Variants in COP1 observed in about 807,000 individuals in gnomAD.
The protein encoded by COP1 is COP1 E3 ubiquitin ligase, also known as E3 ubiquitin-protein ligase COP1.
In COP1, 24 loss-of-function variants were observed where a neutral mutation model predicts 101.3. That is an observed-to-expected ratio of 0.24 (90% CI 0.17 to 0.33). The LOEUF (loss-of-function observed/expected upper bound fraction) is 0.33, where lower values mean the gene tolerates loss of function less well. Among genes scored for constraint, COP1 ranks in the 10% least tolerant of loss-of-function variants. The pLI, the probability that COP1 is intolerant of heterozygous loss-of-function variation, is 1.00. For missense variants in COP1, 663 were observed against 906.2 expected, an observed-to-expected ratio of 0.73 and a Z score of 3.45; for synonymous variants, 347 against 341.9, an observed-to-expected ratio of 1.01 and a Z score of -0.17.
chr1:176,007,399 C>T (rs1482455497), intron 15 of COP1, among the ~76,000 whole-genome samples: 1 of 152,216 alleles, frequency 6.6e-6, no homozygotes, highest in Non-Finnish European at 1.5e-5. Flanking sequence ...AACTGCGTTC[C>T]TTTGGAGGAA....
intron 11 of COP1, among the ~76,000 whole-genome samples, chr1:176,055,146 A>G (rs2149257604): frequency 6.6e-6 from 1 of 152,206 alleles, no homozygotes; most frequent in South Asian, 2.1e-4. Flanking sequence ...ATAATAAAGC[A>G]TCCCAGGCTG....
At chr1:176,032,046 A>T (rs891575342) in intron 14 of COP1, among the ~76,000 whole-genome samples, 4 of 152,226 alleles carry the variant, frequency 2.6e-5, no homozygotes, top group African/African-American at 4.8e-5. Flanking sequence ...TATCCTAAGA[A>T]AGAATTCATT....
At chr1:176,042,434 G>A (rs952385520) in intron 14 of COP1, among the ~76,000 whole-genome samples, 56 of 146,448 alleles carry the variant, frequency 3.8e-4, no homozygotes, top group Admixed American at 2.8e-4. Flanking sequence ...ATGGTGGTGG[G>A]TGGCTGTAAT....
intron 18 of COP1, among the ~76,000 whole-genome samples, chr1:175,980,496 A>G (rs1361735515): frequency 6.6e-6 from 1 of 152,316 alleles, no homozygotes; most frequent in East Asian, 1.9e-4. Context: ...ATAACTGCAT[A>G]GAAAGTATTA....
chr1:175,982,024 A>G (rs1655984200), intron 18 of COP1, among the ~76,000 whole-genome samples: 2 of 151,956 alleles, frequency 1.3e-5, no homozygotes, highest in African/African-American at 4.8e-5. Flanking sequence ...ATGAAAGATA[A>G]CAAGCGTTGG....
At chr1:176,002,485 C>T (rs1346213417) in intron 15 of COP1, among the ~76,000 whole-genome samples, 1 of 151,506 alleles carries the variant, frequency 6.6e-6, no homozygotes, top group Non-Finnish European at 1.5e-5. Context: ...AGGTATATCT[C>T]CCAATGCTAT....
chr1:175,947,036 C>G (rs1481233982), intron 19 of COP1, among the ~76,000 whole-genome samples, 159 bp downstream of exon 19: 1 of 152,210 alleles, frequency 6.6e-6, no homozygotes, highest in Non-Finnish European at 1.5e-5. Flanking sequence ...CAGATGCAAG[C>G]TACCTATTCT....
At chr1:176,044,586 C>T (rs1671189696) in intron 12 of COP1, among the ~76,000 whole-genome samples, 1 of 152,142 alleles carries the variant, frequency 6.6e-6, no homozygotes, top group South Asian at 2.1e-4. Flanking sequence ...TTTAAATATA[C>T]TTAATTAGAA....
chr1:176,038,622 A>C (rs574557182), intron 14 of COP1, among the ~76,000 whole-genome samples: 1 of 152,278 alleles, frequency 6.6e-6, no homozygotes, highest in East Asian at 1.9e-4. Context: ...GTTCGAGACC[A>C]GCCTGACCAA....
intron 18 of COP1, chr1:175,982,510 TTC>T: frequency 8.1e-6 from 3 of 368,950 alleles, no homozygotes; most frequent in South Asian, 6.6e-5. Flanking sequence ...TAAATATATT[TTC>T]TTTTATGATT....
chr1:176,178,695 T>C (rs1039180856), intron 2 of COP1, among the ~76,000 whole-genome samples: 3 of 151,498 alleles, frequency 2.0e-5, no homozygotes, highest in African/African-American at 7.3e-5. Flanking sequence ...CTACTAAACA[T>C]ACAAAAAATT....
chr1:176,046,732 T>C (rs992717696), intron 11 of COP1, among the ~76,000 whole-genome samples: 10 of 152,212 alleles, frequency 6.6e-5, no homozygotes, highest in African/African-American at 1.9e-4. Context: ...GTGGAGGTAG[T>C]AGAATTTCAC....
At chr1:175,964,751 G>C (rs1471697866) in intron 18 of COP1, among the ~76,000 whole-genome samples, 1 of 152,034 alleles carries the variant, frequency 6.6e-6, no homozygotes, top group Non-Finnish European at 1.5e-5. Flanking sequence ...CTCCCTGGAG[G>C]GCACAGAACA....
At chr1:176,175,692 A>C (rs889947459) in intron 3 of COP1, among the ~76,000 whole-genome samples, 2 of 152,176 alleles carry the variant, frequency 1.3e-5, no homozygotes, top group African/African-American at 4.8e-5. Flanking sequence ...ATACACAATA[A>C]TCTAAAAGTT....
In COP1 at chr1:176,038,687, G is replaced by A. The variant is rs151225639; in HGVS notation, c.1612+4499C>T. Among the ~76,000 whole-genome samples the A allele has an allele frequency of 3.2e-3, 479 of 152,056 alleles. 3 individuals are homozygous for A. The highest frequency in any genetic ancestry group is 9.7e-3 in the African/African-American group (403 of 41,472). ...ACAAAAATCAGCCACGTGTGGTGGC[G>A]TGCGCCTGTAATCCCAGCTACTCAG... On this transcript the variant is annotated intron_variant, in intron 14 of 19. Coordinates refer to ENST00000367669, the MANE Select transcript of COP1 (RefSeq NM_022457.7).
intron 3 of COP1, among the ~76,000 whole-genome samples, chr1:176,167,515 A>G (rs1233756446): frequency 1.3e-5 from 2 of 151,952 alleles, no homozygotes; most frequent in African/African-American, 4.8e-5. Flanking sequence ...CACATTTCCA[A>G]TTAAGATAAG....
intron 11 of COP1, among the ~76,000 whole-genome samples, chr1:176,047,919 G>T (rs1358441355): frequency 6.6e-6 from 1 of 151,898 alleles, no homozygotes; most frequent in Admixed American, 6.6e-5. Flanking sequence ...ACAAAAAAAT[G>T]AAACAATTAG....
chr1:176,067,565 G>T (rs1362444181), intron 11 of COP1, among the ~76,000 whole-genome samples: 1 of 152,030 alleles, frequency 6.6e-6, no homozygotes, highest in Non-Finnish European at 1.5e-5. Flanking sequence ...TGAGCGGCCC[G>T]ACTCCAGGGG....
intron 6 of COP1, among the ~76,000 whole-genome samples, chr1:176,142,533 G>A (rs1690863862): frequency 6.6e-6 from 1 of 152,074 alleles, no homozygotes; most frequent in South Asian, 2.1e-4. Flanking sequence ...TGGTATGAAT[G>A]CAGGAAATTC....
Sources: allele counts gnomAD v4.1 joint callset (sites outside exome capture counted in the v4.1 genomes callset), GRCh38; gene constraint gnomAD v4.1.1; transcripts MANE v1.5; gene names NCBI Gene and HGNC (gene_info 2026-07-23, HGNC 2026-07-21).